SLC35E2B: variants seen among roughly 807,000 people sequenced by gnomAD.
The protein encoded by SLC35E2B is solute carrier family 35, member E2B.
SLC35E2B carries 18 observed loss-of-function variants against 32.4 expected under a neutral mutation model. That is an observed-to-expected ratio of 0.56 (90% CI 0.38 to 0.82). The LOEUF (loss-of-function observed/expected upper bound fraction) is 0.82. Ranked by LOEUF, SLC35E2B falls within the 40% of genes least tolerant of loss-of-function variation. The probability of loss-of-function intolerance (pLI) is 0.00; values close to 1 mark genes in which losing one functional copy is unlikely to be tolerated. For missense variants in SLC35E2B, 263 were observed against 469.5 expected (o/e 0.56, Z 4.06); for synonymous variants, 132 against 209.1 (o/e 0.63, Z 3.18).
intron 2 of SLC35E2B, among the ~76,000 whole-genome samples, chr1:1,685,639 C>T (rs553189665): frequency 2.6e-5 from 4 of 152,044 alleles, no homozygotes; most frequent in South Asian, 4.2e-4. Flanking sequence ...AACACGAACA[C>T]GAATGCATGA....
chr1:1,679,677 A>G (rs1229446746), intron 2 of SLC35E2B, among the ~76,000 whole-genome samples: 2 of 150,554 alleles, frequency 1.3e-5, no homozygotes, highest in Admixed American at 1.3e-4. Context: ...AAGTACAAAA[A>G]AAAAATCAGC....
intron 2 of SLC35E2B, among the ~76,000 whole-genome samples, chr1:1,687,385 T>A (rs894878441): frequency 7.3e-5 from 11 of 151,560 alleles, no homozygotes; most frequent in Non-Finnish European, 1.2e-4. Context: ...TAGACGAGCC[T>A]GGGCAATGTG....
intron 9 of SLC35E2B, among the ~76,000 whole-genome samples, chr1:1,667,808 A>G (rs1337556919): frequency 6.6e-6 from 1 of 151,198 alleles, no homozygotes; most frequent in Admixed American, 6.6e-5. Flanking sequence ...CTAAATACCT[A>G]TTTCACACAG....
At position 1,662,246 on chromosome 1, in the gene SLC35E2B, AC is replaced by A. The variant is rs2101084171; in HGVS notation, c.*3535del. 1 of 914,726 alleles carries A rather than the reference AC, an allele frequency of 1.1e-6. No individual in the cohort carries two copies. Among genetic ancestry groups the A allele is most frequent in the Non-Finnish European group, 1.3e-6 (1 of 769,528 alleles). The allele number at this position is 914,726 out of a possible 1,614,324, so 56.7% of individuals were successfully genotyped here. On this transcript the variant is annotated 3_prime_UTR_variant, in exon 10 of 10. Transcript: ENST00000617444. ...ACGTACATACATTGGGAAAGAAGAA[AC>A]CCCTTAGTACCATGTTGGTCAAAGG...
chr1:1,685,298 C>T (rs1007760536), intron 2 of SLC35E2B, among the ~76,000 whole-genome samples: 1 of 149,110 alleles, frequency 6.7e-6, no homozygotes, highest in African/African-American at 2.5e-5. Context: ...CGGTGGTGTG[C>T]GCCTGTGTGC....
In SLC35E2B at chr1:1,666,036, A is replaced by C; in HGVS notation, c.981-17T>G. ...CTGGCGACGCTGCGGAGGCAAGGGG[A>C]GGCAGCAGGGGCGCTCAGGGCTATG... On this transcript the variant is annotated splice_polypyrimidine_tract_variant and intron_variant, in intron 9 of 9. Coordinates refer to ENST00000617444, the MANE Select transcript of SLC35E2B (RefSeq NM_001290264.2). The C allele has an allele frequency of 6.5e-7, 1 of 1,546,514 alleles. No individual in the cohort carries two copies. The highest frequency in any genetic ancestry group is 1.7e-4 in the Middle Eastern group (1 of 5,956).
chr1:1,663,991 G>A lies in SLC35E2B; in HGVS notation c.*1791C>T, dbSNP rs1643475148. ...GGATTGCTTGAGCCGAGGAGTTCAAGACCAGCCTGGGCAACAAAGCGAGAG... is the reference window on the plus strand; with the variant it reads ...GGATTGCTTGAGCCGAGGAGTTCAAAACCAGCCTGGGCAACAAAGCGAGAG... On this transcript the variant is annotated 3_prime_UTR_variant, in exon 10 of 10. Transcript: ENST00000617444. 1 of 274,710 alleles carries A rather than the reference G, an allele frequency of 3.6e-6. No homozygotes were observed. Among genetic ancestry groups the A allele is most frequent in the South Asian group, 1.3e-4 (1 of 7,830 alleles). 17.0% of individuals were successfully genotyped at this position (274,710 alleles called of 1,614,324 possible). A position where few individuals can be genotyped will look rare whatever the true frequency, so the allele number is the denominator to read the frequency against.
At chr1:1,668,269 TG>T in intron 9 of SLC35E2B, 57 bp downstream of exon 9, 1 of 1,523,264 alleles carries the variant, frequency 6.6e-7, no homozygotes, top group Non-Finnish European at 8.9e-7. Flanking sequence ...CCTAGATTTC[TG>T]GTCTCCTTTG....
intron 5 of SLC35E2B, among the ~76,000 whole-genome samples, 168 bp from the exon 6 acceptor site, chr1:1,671,797 G>A (rs11523819): frequency 0.35 from 53,372 of 152,106 alleles, 11,663 homozygotes; most frequent in Non-Finnish European, 0.49. Context: ...ATCAAAGTCC[G>A]TGTCTGCAAA....
chr1:1,673,968 GAAAAAAA>G (rs143198348), intron 5 of SLC35E2B: 4 of 109,296 alleles, frequency 3.7e-5, no homozygotes, highest in African/African-American at 1.3e-4. Context: ...TCTCAAAAAA[GAAAAAAA>G]AAAAAAAGAA....
In SLC35E2B at chr1:1,662,461, G is replaced by A. The variant is rs371881484; in HGVS notation, c.*3321C>T. The A allele has an allele frequency of 2.7e-5, 21 of 784,192 alleles. No homozygotes were observed. Among genetic ancestry groups the A allele is most frequent in the Middle Eastern group, 6.3e-4 (1 of 1,590 alleles). 48.6% of individuals were successfully genotyped at this position (784,192 alleles called of 1,614,324 possible). ...GCGGCGGCAGCAAGCAGAGCTCACC[G>A]GATTTGGGACAAGGATTTTAAAGGC... On this transcript the variant is annotated 3_prime_UTR_variant, in exon 10 of 10. Coordinates refer to ENST00000617444, the MANE Select transcript of SLC35E2B (RefSeq NM_001290264.2).
chr1:1,683,923 C>T (rs1215326967), intron 2 of SLC35E2B, among the ~76,000 whole-genome samples: 7 of 152,198 alleles, frequency 4.6e-5, no homozygotes, highest in Admixed American at 6.5e-5. Context: ...TCTCAGAGTC[C>T]TCCAGGTGCA....
intron 2 of SLC35E2B, among the ~76,000 whole-genome samples, chr1:1,680,925 C>T (rs993219278): frequency 9.9e-5 from 15 of 151,914 alleles, no homozygotes; most frequent in African/African-American, 3.1e-4. Context: ...GCCTCAGCCT[C>T]CCGAGTAACT....
chr1:1,675,326 G>A (rs1570327685), intron 5 of SLC35E2B, 137 bp downstream of exon 5: 2 of 793,082 alleles, frequency 2.5e-6, no homozygotes, highest in South Asian at 1.8e-5. Context: ...TGAGAGAAGT[G>A]AAGGCACTGC....
At chr1:1,677,389 C>T (rs940726092) in intron 2 of SLC35E2B, among the ~76,000 whole-genome samples, 5 of 151,408 alleles carry the variant, frequency 3.3e-5, no homozygotes, top group African/African-American at 1.2e-4. Flanking sequence ...GGGTCCTTCA[C>T]GCCCTGCCTG....
chr1:1,676,564 CG>C lies in SLC35E2B; in HGVS notation c.135del (p.Ser45ArgfsTer10). 1.5e-6 allele frequency: 1 copy of C among 677,832 alleles called. No individual in the cohort carries two copies. Among genetic ancestry groups the C allele is most frequent in the South Asian group, 1.8e-5 (1 of 55,622 alleles). The allele number at this position is 677,832 out of a possible 1,614,324, so 42.0% of individuals were successfully genotyped here. A position where few individuals can be genotyped will look rare whatever the true frequency, so the allele number is the denominator to read the frequency against. On this transcript the variant is annotated frameshift_variant, in exon 3 of 10. Transcript: ENST00000617444. LOFTEE classifies it high-confidence loss of function. ...HRSEKIVFAK[S>X]DGGTDENVLT... is the part of the protein sequence containing the mutation. ...AGTACGTTCTCATCTGTGCCGCCGTCGCTCTTGGCAAAAACAATCTTCTCAC... is the reference window on the plus strand; with the variant it reads ...AGTACGTTCTCATCTGTGCCGCCGTCCTCTTGGCAAAAACAATCTTCTCAC...
intron 2 of SLC35E2B, among the ~76,000 whole-genome samples, chr1:1,681,507 T>G (rs1643899520): frequency 1.3e-5 from 2 of 149,012 alleles, no homozygotes; most frequent in African/African-American, 4.9e-5. Context: ...GCGCCCGGCC[T>G]CTTTTCTTTT....
intron 2 of SLC35E2B, among the ~76,000 whole-genome samples, chr1:1,680,714 C>T (rs764427545): frequency 6.6e-6 from 1 of 152,172 alleles, no homozygotes; most frequent in African/African-American, 2.4e-5. Context: ...CCTGTCCCCA[C>T]AGCTCCAAGG....
At chr1:1,674,643 A>AC (rs1557757176) in intron 5 of SLC35E2B, among the ~76,000 whole-genome samples, 6 of 151,118 alleles carry the variant, frequency 4.0e-5, no homozygotes, top group South Asian at 2.1e-4. Context: ...CAAAAAAAAA[A>AC]AAACAAAAAA....
Sources: allele counts gnomAD v4.1 joint callset (sites outside exome capture counted in the v4.1 genomes callset), GRCh38; gene constraint gnomAD v4.1.1; transcripts MANE v1.5; gene names NCBI Gene and HGNC (gene_info 2026-07-23, HGNC 2026-07-21).